Variants in RPGRIP1L observed in about 807,000 individuals in gnomAD.
The protein encoded by RPGRIP1L is RPGRIP1 like.
RPGRIP1L carries 131 observed loss-of-function variants against 160.4 expected under a neutral mutation model. The ratio of observed to expected loss-of-function variants is 0.82; its 90% CI spans 0.71 to 0.94. The LOEUF (loss-of-function observed/expected upper bound fraction) is 0.94. Ranked by LOEUF, RPGRIP1L falls within the 40% of genes least tolerant of loss-of-function variation. The pLI is 0.00. For synonymous variants in RPGRIP1L, 510 were observed against 515.8 expected (o/e 0.99, Z 0.15); for missense variants, 1,522 against 1,535.8 (o/e 0.99, Z 0.15).
rs397945611 is a variant in RPGRIP1L, at chr16:53,617,073, C to CAAAAAAAAAAAAAAAAAAAA, written c.3616+1932_3616+1951dup. Among the ~76,000 whole-genome samples, 36 of 21,842 alleles carry CAAAAAAAAAAAAAAAAAAAA rather than the reference C, an allele frequency of 1.6e-3. 1 individual carries two copies. Among genetic ancestry groups the CAAAAAAAAAAAAAAAAAAAA allele is most frequent in the Admixed American group, 2.9e-3 (4 of 1,380 alleles). 14.3% of individuals were successfully genotyped at this position (21,842 alleles called of 152,430 possible). The stretch of plus-strand genomic sequence containing the variant: ...GGCAATAGCACCAGACCTTGCATCA[C>CAAAAAAAAAAAAAAAAAAAA]AAAAAAAAAAAAAAAAAAAAAAAAA... On this transcript the variant is annotated intron_variant, in intron 24 of 26. Transcript: ENST00000647211.
chr16:53,634,093 C>A (rs1965685337), intron 22 of RPGRIP1L, among the ~76,000 whole-genome samples: 1 of 152,178 alleles, frequency 6.6e-6, no homozygotes, highest in African/African-American at 2.4e-5. Context: ...GTGAGGGCTG[C>A]TCTCTGTTTC....
intron 16 of RPGRIP1L, among the ~76,000 whole-genome samples, chr16:53,646,816 A>C (rs1299946225): frequency 6.6e-6 from 1 of 152,004 alleles, no homozygotes; most frequent in African/African-American, 2.4e-5. Context: ...TGGGACCCTG[A>C]CTCCATGAGA....
chr16:53,646,509 G>A (rs780823343), intron 16 of RPGRIP1L, among the ~76,000 whole-genome samples: 18 of 152,140 alleles, frequency 1.2e-4, no homozygotes, highest in Non-Finnish European at 5.9e-5. Context: ...CAGAGTCAGA[G>A]ACAAACCTTG....
At chr16:53,615,164 C>G (rs919524363) in intron 24 of RPGRIP1L, among the ~76,000 whole-genome samples, 7 of 152,146 alleles carry the variant, frequency 4.6e-5, no homozygotes, top group Non-Finnish European at 7.3e-5. Context: ...ACAGACTGTT[C>G]CATCCCTAGA....
At chr16:53,682,382 T>A (rs1049249279) in intron 6 of RPGRIP1L, among the ~76,000 whole-genome samples, 2 of 152,196 alleles carry the variant, frequency 1.3e-5, no homozygotes, top group African/African-American at 4.8e-5. Flanking sequence ...TATGTATACA[T>A]GTTGGTGTCT....
At chr16:53,628,118 CTGTGTGTG>C (rs3035255) in intron 22 of RPGRIP1L, 3 of 146,566 alleles carry the variant, frequency 2.0e-5, no homozygotes, top group East Asian at 2.0e-4. Flanking sequence ...TATAAAAATA[CTGTGTGTG>C]TGTGTGTGTG....
Position 53,664,965 on chromosome 16 carries a change from T to C in RPGRIP1L, c.1148A>G (p.Gln383Arg). Residue 383 changes from glutamine to arginine, a missense_variant, in exon 10 of 27, where the codon CAA becomes CGA. Physicochemically the swap from Gln to Arg is conservative, Grantham distance 43. Transcript: ENST00000647211. ...AHEEQWKLKE[Q>R]QLKVQIAQLE... The stretch of plus-strand genomic sequence containing the variant: ...CTGAGCAATCTGCACTTTCAGCTGT[T>C]GCTCCTTTAACTTCCATTGCTCTTC... 1 of 1,613,744 alleles carries C rather than the reference T, an allele frequency of 6.2e-7. No homozygotes were observed. Among genetic ancestry groups the C allele is most frequent in the Non-Finnish European group, 8.5e-7 (1 of 1,179,928 alleles).
chr16:53,641,124 A>T lies in RPGRIP1L; in HGVS notation c.2875-8T>A, dbSNP rs1377957730. 1 of 1,607,852 alleles carries T rather than the reference A, an allele frequency of 6.2e-7. No individual in the cohort carries two copies. The highest frequency in any genetic ancestry group is 1.3e-5 in the African/African-American group (1 of 74,920). On this transcript the variant is annotated splice_region_variant and splice_polypyrimidine_tract_variant and intron_variant, in intron 18 of 26. Transcript: ENST00000647211. ...TGGTTTAGGTCTTGGTGCCTAAGAC[A>T]AACCAACCAATGTGTCAGACTGAGT...
intron 25 of RPGRIP1L, among the ~76,000 whole-genome samples, chr16:53,609,542 C>T (rs968272472): frequency 1.3e-5 from 2 of 152,184 alleles, no homozygotes; most frequent in Non-Finnish European, 2.9e-5. Flanking sequence ...TATGATCTCA[C>T]ATTTCAGAAA....
At chr16:53,603,546 T>C (rs1330152010) in intron 26 of RPGRIP1L, among the ~76,000 whole-genome samples, 2 of 152,144 alleles carry the variant, frequency 1.3e-5, no homozygotes, top group Non-Finnish European at 2.9e-5. Context: ...CCCAGGTTGG[T>C]CTTAAAACTC....
intron 3 of RPGRIP1L, chr16:53,695,223 T>C: frequency 1.6e-6 from 1 of 634,596 alleles, no homozygotes; most frequent in South Asian, 1.8e-5. Context: ...TCTGACTGGC[T>C]GATGTGTGTG....
At chr16:53,605,427 T>G (rs747129933) in intron 26 of RPGRIP1L, 54 bp downstream of exon 26, 45 of 1,606,578 alleles carry the variant, frequency 2.8e-5, no homozygotes, top group Non-Finnish European at 3.5e-5. Context: ...TAATAAAGAG[T>G]TTGGAGTTCA....
At chr16:53,612,859 C>T (rs956160104) in intron 24 of RPGRIP1L, among the ~76,000 whole-genome samples, 10 of 152,158 alleles carry the variant, frequency 6.6e-5, no homozygotes, top group African/African-American at 2.4e-4. Context: ...TCCAGAACTT[C>T]TTCATCTTCC....
rs1002156687 is a variant in RPGRIP1L at position 53,612,459 on chromosome 16, C to T, written c.3617-1408G>A. 1.3e-4 allele frequency among the ~76,000 whole-genome samples: 19 copies of T among 149,896 alleles called. 1 individual carries two copies. Among genetic ancestry groups the T allele is most frequent in the East Asian group, 2.0e-4 (1 of 5,118 alleles). ...TTTTTTAGAGGCTGCCAGTACACAA[C>T]GCTAAAGGGGAACTTTTTTTCCAAA... On this transcript the variant is annotated intron_variant, in intron 24 of 26. Transcript: ENST00000647211.
intron 22 of RPGRIP1L, among the ~76,000 whole-genome samples, chr16:53,626,267 GAAT>G (rs1965170275): frequency 6.6e-6 from 1 of 151,332 alleles, no homozygotes; most frequent in African/African-American, 2.4e-5. Context: ...TTAAAGAGAT[GAAT>G]AATAATTGTT....
intron 2 of RPGRIP1L, 45 bp from the exon 3 acceptor site, chr16:53,696,340 G>C: frequency 6.3e-7 from 1 of 1,597,534 alleles, no homozygotes; most frequent in Non-Finnish European, 8.6e-7. Context: ...ACTTAAAATA[G>C]TCTCTAGAAA....
At chr16:53,695,108 C>A (rs1267017866) in intron 3 of RPGRIP1L, 3 of 481,694 alleles carry the variant, frequency 6.2e-6, no homozygotes, top group Non-Finnish European at 1.1e-5. Flanking sequence ...CTGGCTATGA[C>A]AAATTACTAA....
At chr16:53,681,019 T>C (rs575547124) in intron 6 of RPGRIP1L, among the ~76,000 whole-genome samples, 40 of 152,296 alleles carry the variant, frequency 2.6e-4, no homozygotes, top group African/African-American at 9.4e-4. Context: ...ATTCTTTCCA[T>C]TTTTCTGAAG....
Position 53,605,573 on chromosome 16 carries a change from T to C in RPGRIP1L, c.3743A>G (p.Gln1248Arg), listed in dbSNP as rs1310234471. 1.2e-5 allele frequency: 19 copies of C among 1,614,092 alleles called. No individual in the cohort carries two copies. The highest frequency in any genetic ancestry group is 1.5e-5 in the Non-Finnish European group (18 of 1,179,936). The change falls in exon 26 of 27, where the codon CAG (glutamine) becomes CGG (arginine). Residue 1248 changes from glutamine to arginine, a missense_variant. Physicochemically the swap from Gln to Arg is conservative, Grantham distance 43 (BLOSUM62 1). Transcript: ENST00000647211. ...TVVSDPPEDEQDLECEDIGVA... is the reference protein window; with the variant it reads ...TVVSDPPEDERDLECEDIGVA... ...GCCAATGTCCTCACACTCCAGGTCC[T>C]GCTCGTCCTCTGGAGGGTCACTGAC...
Sources: gnomAD v4.1 joint callset for allele counts (sites outside exome capture counted in the v4.1 genomes callset) on GRCh38, gnomAD v4.1.1 for gene constraint, MANE v1.5 for transcripts, NCBI Gene and HGNC (gene_info 2026-07-23, HGNC 2026-07-21) for gene names.